Variants in PMFBP1 observed in about 807,000 individuals in gnomAD.
PMFBP1 encodes the protein polyamine modulated factor 1 binding protein 1.
In PMFBP1, 131 loss-of-function variants were observed where a neutral mutation model predicts 137.8. The observed-to-expected ratio is 0.95, with a 90% CI of 0.82 to 1.10. PMFBP1 has a LOEUF of 1.10. PMFBP1 is among the 50% of genes least tolerant of loss of function. The pLI is 0.00. For synonymous variants in PMFBP1, 490 were observed against 450.4 expected (o/e 1.09, Z -1.11); for missense variants, 1,199 against 1,175.4 (o/e 1.02, Z -0.29).
the PMFBP1 span, among the ~76,000 whole-genome samples, chr16:72,249,698 C>A: frequency 6.6e-6 from 1 of 150,646 alleles, no homozygotes; most frequent in African/African-American, 2.4e-5. Flanking sequence ...AGGTGAATTA[C>A]GAGGTCAGGA....
At position 72,171,230 on chromosome 16, in the gene PMFBP1, T is replaced by C. The variant is rs778902374; in HGVS notation, c.-22A>G. The C allele has an allele frequency of 1.9e-6, 3 of 1,613,546 alleles. No individual in the cohort carries two copies. The highest frequency in any genetic ancestry group is 2.2e-5 in the South Asian group (2 of 91,076). On this transcript the variant is annotated 5_prime_UTR_variant, in exon 2 of 21. Coordinates refer to ENST00000237353, the MANE Select transcript of PMFBP1 (RefSeq NM_031293.3). Reference sequence around the variant, plus strand: ...TCATTTCCTTGGCAGCTCTCAATTCTCCTTTAACCTTTAGTATTTTCTGAG... The same window carrying C: ...TCATTTCCTTGGCAGCTCTCAATTCCCCTTTAACCTTTAGTATTTTCTGAG...
At chr16:72,185,454 C>T in the PMFBP1 span, among the ~76,000 whole-genome samples, 1 of 152,008 alleles carries the variant, frequency 6.6e-6, no homozygotes, top group South Asian at 2.1e-4. Context: ...CGGCTATGTG[C>T]ATTATTCCAT....
At chr16:72,229,273 G>A in the PMFBP1 span, among the ~76,000 whole-genome samples, 1 of 152,154 alleles carries the variant, frequency 6.6e-6, no homozygotes, top group Admixed American at 6.6e-5. Context: ...CATTTAGGTT[G>A]ATTGCATATC....
the PMFBP1 span, among the ~76,000 whole-genome samples, chr16:72,199,884 T>G: frequency 6.6e-6 from 1 of 151,960 alleles, no homozygotes; most frequent in Admixed American, 6.6e-5. Context: ...AGCGTGGAAT[T>G]AGGATGGGGC....
At chr16:72,159,797 C>CT (rs34162927) in intron 3 of PMFBP1, among the ~76,000 whole-genome samples, 29,590 of 147,520 alleles carry the variant, frequency 0.2, 3,027 homozygotes, top group South Asian at 0.21. Flanking sequence ...GCTTCTTTGT[C>CT]TTTTTTTTTT....
rs923350034 is a variant in PMFBP1 at position 72,127,489 on chromosome 16, A to G, written c.2088+1168T>C. Reference sequence around the variant, plus strand: ...TGATAAATGATGGCTGAACTGAGAAATGTCAGTATAGAGGTAAGACACTAA... The same window carrying G: ...TGATAAATGATGGCTGAACTGAGAAGTGTCAGTATAGAGGTAAGACACTAA... On this transcript the variant is annotated intron_variant, in intron 14 of 20. Transcript: ENST00000237353. Among the ~76,000 whole-genome samples the G allele has an allele frequency of 5.9e-5, 9 of 152,350 alleles. No homozygotes were observed. The South Asian group carries it at 1.2e-3, about 21-fold the overall frequency.
the PMFBP1 span, among the ~76,000 whole-genome samples, chr16:72,190,429 C>T: frequency 1.3e-5 from 2 of 152,210 alleles, no homozygotes; most frequent in African/African-American, 4.8e-5. Context: ...AATTTTGCTT[C>T]TGACCTCAGT....
At position 72,128,756 on chromosome 16, in the gene PMFBP1, C is replaced by G. The variant is rs2042501626; in HGVS notation, c.1989G>C (p.Glu663Asp). 1.9e-6 allele frequency: 3 copies of G among 1,614,130 alleles called. No homozygotes were observed. The East Asian group carries it at 6.7e-5, about 36-fold the overall frequency. The change falls in exon 14 of 21, where the codon GAG (glutamate) becomes GAC (aspartate). Residue 663 changes from glutamate to aspartate, a missense_variant. By Grantham distance (45) the Glu-to-Asp change is conservative (BLOSUM62 2). Coordinates refer to ENST00000237353, the MANE Select transcript of PMFBP1 (RefSeq NM_031293.3). Reference sequence around the variant, plus strand: ...AACACTGTAGCTCTGCTCGGAGATTCTCATTTTCTTCCTCCAACTTTCTGG... The same window carrying G: ...AACACTGTAGCTCTGCTCGGAGATTGTCATTTTCTTCCTCCAACTTTCTGG... Reference protein sequence around the residue: ...ENSRKLEEENENLRAELQCCS... With the variant: ...ENSRKLEEENDNLRAELQCCS...
chr16:72,131,892 C>G (rs944402402), intron 10 of PMFBP1, among the ~76,000 whole-genome samples: 3 of 152,214 alleles, frequency 2.0e-5, no homozygotes, highest in Non-Finnish European at 4.4e-5. Flanking sequence ...ATTGCCCAGT[C>G]TGGAGTGCAC....
At chr16:72,171,099 G>T in intron 2 of PMFBP1, 98 bp downstream of exon 2, 1 of 1,381,276 alleles carries the variant, frequency 7.2e-7, no homozygotes, top group Non-Finnish European at 1.0e-6. Context: ...ATGATATTTT[G>T]TGATGCTTAT....
the PMFBP1 span, among the ~76,000 whole-genome samples, chr16:72,245,317 G>A: frequency 6.6e-6 from 1 of 152,154 alleles, no homozygotes; most frequent in Non-Finnish European, 1.5e-5. Flanking sequence ...ACCCTGGTTG[G>A]TAGATAGTAC....
At chr16:72,236,550 A>G in the PMFBP1 span, among the ~76,000 whole-genome samples, 1 of 152,228 alleles carries the variant, frequency 6.6e-6, no homozygotes, top group Non-Finnish European at 1.5e-5. Flanking sequence ...AGACATGATC[A>G]AGATTAAGGC....
chr16:72,151,712 A>C (rs2042905268), intron 4 of PMFBP1, among the ~76,000 whole-genome samples: 1 of 152,206 alleles, frequency 6.6e-6, no homozygotes, highest in Admixed American at 6.5e-5. Context: ...GGTGTCTACT[A>C]CGTAAGGGGA....
chr16:72,154,428 T>C lies in PMFBP1; in HGVS notation c.197A>G (p.Glu66Gly), dbSNP rs753929174. 1 of 1,614,180 alleles carries C rather than the reference T, an allele frequency of 6.2e-7. No homozygotes were observed. The highest frequency in any genetic ancestry group is 8.5e-7 in the Non-Finnish European group (1 of 1,179,998). ...DKKQAQALAF[E>G]ESEVEFGSSK... is the part of the protein sequence containing the mutation. Reference sequence around the variant, plus strand: ...GGACCCAAATTCCACCTCTGACTCCTCGAATGCTAATGCCTGTGCTTGCTT... The same window carrying C: ...GGACCCAAATTCCACCTCTGACTCCCCGAATGCTAATGCCTGTGCTTGCTT... Residue 66 changes from glutamate to glycine, a missense_variant, in exon 4 of 21, where the codon GAG becomes GGG. Glu to Gly is a moderately conservative substitution (Grantham distance 98). Transcript: ENST00000237353.
chr16:72,233,771 C>T, the PMFBP1 span, among the ~76,000 whole-genome samples: 1 of 152,102 alleles, frequency 6.6e-6, no homozygotes, highest in African/African-American at 2.4e-5. Context: ...GAAACCATTA[C>T]TTTATTTTCT....
intron 2 of PMFBP1, among the ~76,000 whole-genome samples, chr16:72,169,696 C>G (rs1597494766): frequency 6.8e-6 from 1 of 146,828 alleles, no homozygotes; most frequent in East Asian, 2.0e-4. Flanking sequence ...CACACACACA[C>G]AGATTAACAA....
At chr16:72,236,405 G>C in the PMFBP1 span, among the ~76,000 whole-genome samples, 47 of 152,286 alleles carry the variant, frequency 3.1e-4, no homozygotes, top group Admixed American at 1.4e-3. Flanking sequence ...ACAAGAAAGA[G>C]AGAGCTCAAA....
chr16:72,133,136 C>G, intron 9 of PMFBP1, 145 bp from the exon 10 acceptor site: 1 of 832,872 alleles, frequency 1.2e-6, no homozygotes, highest in Non-Finnish European at 1.9e-6. Context: ...CTCCTGTTCC[C>G]CTCAGGCTAT....
intron 5 of PMFBP1, among the ~76,000 whole-genome samples, chr16:72,147,740 C>T (rs1251392050): frequency 6.6e-6 from 1 of 152,044 alleles, no homozygotes; most frequent in Non-Finnish European, 1.5e-5. Flanking sequence ...CAAAAGAAGA[C>T]ATTTATGCAG....
Sources: allele counts gnomAD v4.1 joint callset (sites outside exome capture counted in the v4.1 genomes callset), GRCh38; gene constraint gnomAD v4.1.1; transcripts MANE v1.5; gene names NCBI Gene and HGNC (gene_info 2026-07-23, HGNC 2026-07-21).